Variants in FBN2 observed in about 807,000 individuals in gnomAD.
FBN2 encodes the protein fibrillin 2.
In FBN2, 105 loss-of-function variants were observed where a neutral mutation model predicts 355.6. That is an observed-to-expected ratio of 0.30 (90% CI 0.25 to 0.35). FBN2 has a LOEUF of 0.35. Ranked by LOEUF, FBN2 falls within the 10% of genes least tolerant of loss-of-function variation. The probability of loss-of-function intolerance (pLI) is 1.00; values close to 1 mark genes in which losing one functional copy is unlikely to be tolerated. For synonymous variants in FBN2, 1,350 were observed against 1,301.2 expected, an observed-to-expected ratio of 1.04 and a Z score of -0.81; for missense variants, 3,280 against 3,758.7, an observed-to-expected ratio of 0.87 and a Z score of 3.33.
At chr5:128,442,323 G>A in intron 7 of FBN2, 1 of 456,650 alleles carries the variant, frequency 2.2e-6, no homozygotes, top group Non-Finnish European at 4.4e-6. Context: ...GTCTGGAAGG[G>A]AGGATCACGC....
At chr5:128,340,501 A>G (rs1750984067) in intron 25 of FBN2, among the ~76,000 whole-genome samples, 1 of 152,196 alleles carries the variant, frequency 6.6e-6, no homozygotes, top group Admixed American at 6.5e-5. Flanking sequence ...TTTTCTTTCT[A>G]TCTATCAGTA....
intron 33 of FBN2, among the ~76,000 whole-genome samples, chr5:128,329,722 G>A (rs539703187): frequency 1.3e-5 from 2 of 152,262 alleles, no homozygotes; most frequent in South Asian, 4.1e-4. Context: ...CCTTAAACAG[G>A]CATTTGAAAA....
chr5:128,537,648 T>G lies in FBN2; in HGVS notation c.-45A>C. ...CGGCCGTAGACCCGCGGAGAGGGAG[T>G]GATCAAAGACAAAATCTGCGCGCCT... On this transcript the variant is annotated 5_prime_UTR_variant, in exon 1 of 65. Transcript: ENST00000262464. 1 of 1,581,440 alleles carries G rather than the reference T, an allele frequency of 6.3e-7. No individual in the cohort carries two copies. Among genetic ancestry groups the G allele is most frequent in the Non-Finnish European group, 8.6e-7 (1 of 1,160,788 alleles).
chr5:128,498,595 C>T (rs1402628145), intron 5 of FBN2, among the ~76,000 whole-genome samples: 1 of 152,168 alleles, frequency 6.6e-6, no homozygotes, highest in Non-Finnish European at 1.5e-5. Context: ...AGCTCAAGTT[C>T]CTCTGGCTTC....
At chr5:128,343,337 T>C (rs1349828141) in intron 25 of FBN2, among the ~76,000 whole-genome samples, 1 of 152,078 alleles carries the variant, frequency 6.6e-6, no homozygotes, top group Non-Finnish European at 1.5e-5. Flanking sequence ...GGGATGAAGC[T>C]CTGGAGACTG....
chr5:128,413,428 A>G (rs1046502844), intron 7 of FBN2, among the ~76,000 whole-genome samples: 3 of 152,180 alleles, frequency 2.0e-5, no homozygotes, highest in South Asian at 4.1e-4. Context: ...GGGATTGTCA[A>G]GTGTGACTTC....
chr5:128,289,783 A>G, intron 51 of FBN2, 99 bp downstream of exon 51: 1 of 730,228 alleles, frequency 1.4e-6, no homozygotes, highest in South Asian at 1.6e-5. Flanking sequence ...ACAATATACT[A>G]TATGTTACAT....
At chr5:128,292,406 T>C (rs1156709060) in intron 48 of FBN2, among the ~76,000 whole-genome samples, 1 of 152,014 alleles carries the variant, frequency 6.6e-6, no homozygotes. Flanking sequence ...CATGAAAAAA[T>C]ACTACTTTTC....
At chr5:128,310,402 A>ATATATTT (rs1475271868) in intron 39 of FBN2, among the ~76,000 whole-genome samples, 1 of 23,308 alleles carries the variant, frequency 4.3e-5, no homozygotes, top group Non-Finnish European at 7.7e-5. Context: ...ATATATATAT[A>ATATATTT]TTTTTTTTTT....
chr5:128,313,814 C>CT (rs1212286708), intron 36 of FBN2, among the ~76,000 whole-genome samples: 1 of 132,282 alleles, frequency 7.6e-6, no homozygotes, highest in African/African-American at 2.9e-5. Context: ...GATCACGCCA[C>CT]TGCACTCCAG....
chr5:128,479,974 C>CTA (rs1942837996), intron 5 of FBN2, among the ~76,000 whole-genome samples: 4 of 17,210 alleles, frequency 2.3e-4, no homozygotes, highest in South Asian at 6.1e-3. Flanking sequence ...CTCTCTCTCT[C>CTA]TCTATATATA....
At chr5:128,380,515 G>T (rs575311471) in intron 11 of FBN2, among the ~76,000 whole-genome samples, 41 of 152,148 alleles carry the variant, frequency 2.7e-4, no homozygotes, top group African/African-American at 9.9e-4. Context: ...TGGCAGCTCT[G>T]TCAGCTATTT....
intron 39 of FBN2, among the ~76,000 whole-genome samples, chr5:128,310,394 ATATATATATTTTTTTTT>A (rs1375931805): frequency 0.19 from 3,916 of 20,344 alleles, 219 homozygotes; most frequent in Middle Eastern, 0.36. Context: ...ATATATATAT[ATATATATATTTTTTTTT>A]TTTTTTTTTT....
intron 19 of FBN2, among the ~76,000 whole-genome samples, chr5:128,360,518 C>G (rs1233825284): frequency 1.3e-5 from 2 of 151,990 alleles, no homozygotes; most frequent in African/African-American, 4.8e-5. Flanking sequence ...GAAACTGTCA[C>G]CAGAAGTAAG....
intron 19 of FBN2, among the ~76,000 whole-genome samples, chr5:128,359,970 C>T (rs969253530): frequency 6.6e-5 from 10 of 152,090 alleles, no homozygotes; most frequent in Non-Finnish European, 5.9e-5. Flanking sequence ...GTGTCTCTCA[C>T]AATAGCACCA....
intron 5 of FBN2, among the ~76,000 whole-genome samples, chr5:128,480,481 A>T (rs187221611): frequency 2.2e-4 from 34 of 152,258 alleles, no homozygotes; most frequent in Middle Eastern, 3.4e-3. Flanking sequence ...CTTATAGTGT[A>T]TGATGTAGAT....
In FBN2 at chr5:128,309,263, G is replaced by A. The variant is rs1307268596; in HGVS notation, c.5337C>T (p.Cys1779=). 3 of 1,614,080 alleles carry A rather than the reference G, an allele frequency of 1.9e-6. No individual in the cohort carries two copies. The highest frequency in any genetic ancestry group is 1.6e-4 in the Middle Eastern group (1 of 6,062). Residue 1779 remains cysteine (C), a synonymous_variant, in exon 41 of 65, where the codon TGC becomes TGT. Transcript: ENST00000262464. ...GKAWNKPCEP[C]PTPGTADFKT... The stretch of plus-strand genomic sequence containing the variant: ...TGTGCTTACCTGTTCCTGGAGTTGG[G>A]CATGGTTCACAAGGTTTGTTCCAGG...
chr5:128,518,567 C>G (rs898531681), intron 5 of FBN2, among the ~76,000 whole-genome samples: 16 of 152,252 alleles, frequency 1.1e-4, no homozygotes, highest in Middle Eastern at 3.4e-3. Context: ...CACCACCCCC[C>G]ACTTTGCCAT....
intron 11 of FBN2, among the ~76,000 whole-genome samples, chr5:128,391,178 G>A (rs1752500504): frequency 1.3e-5 from 2 of 152,132 alleles, no homozygotes; most frequent in African/African-American, 4.8e-5. Flanking sequence ...CTCCTTGTAA[G>A]TTTTGGTGGA....
Sources: gnomAD v4.1 joint callset for allele counts (sites outside exome capture counted in the v4.1 genomes callset) on GRCh38, gnomAD v4.1.1 for gene constraint, MANE v1.5 for transcripts, NCBI Gene and HGNC (gene_info 2026-07-23, HGNC 2026-07-21) for gene names.